CHD1: variants seen among roughly 807,000 people sequenced by gnomAD.
CHD1 encodes ATP-dependent chromatin remodeler CHD1.
Under a neutral mutation model 224.2 loss-of-function variants are expected in CHD1, and 36 were observed. The observed-to-expected ratio is 0.16, with a 90% CI of 0.12 to 0.21. The LOEUF is 0.21. Among genes scored for constraint, CHD1 ranks in the 10% least tolerant of loss-of-function variants. The pLI is 1.00. For missense variants in CHD1, 1,378 were observed against 1,994.8 expected, an observed-to-expected ratio of 0.69 and a Z score of 5.89; for synonymous variants, 668 against 658.3, an observed-to-expected ratio of 1.01 and a Z score of -0.23.
chr5:98,869,752 A>C lies in CHD1; in HGVS notation c.4107+2T>G. The stretch of plus-strand genomic sequence containing the variant: ...GGTTGTTGTTCTAAAACACATTCTT[A>C]CTTTATCATCATCTTCATCAGACTT... On this transcript the variant is annotated splice_donor_variant, in intron 30 of 35. Transcript: ENST00000614616. LOFTEE classifies it high-confidence loss of function. 1 of 1,612,990 alleles carries C rather than the reference A, an allele frequency of 6.2e-7. No homozygotes were observed. The highest frequency in any genetic ancestry group is 8.5e-7 in the Non-Finnish European group (1 of 1,179,518).
chr5:98,916,107 G>A (rs538399824), intron 2 of CHD1, among the ~76,000 whole-genome samples: 12 of 152,022 alleles, frequency 7.9e-5, no homozygotes, highest in East Asian at 1.9e-4. Context: ...CACGAGAATC[G>A]CTTGAACCCA....
intron 35 of CHD1, 73 bp downstream of exon 35, chr5:98,858,107 T>C: frequency 1.7e-6 from 2 of 1,189,576 alleles, no homozygotes; most frequent in Non-Finnish European, 1.2e-6. Flanking sequence ...GGCTGACAGG[T>C]CAAATACAGG....
intron 2 of CHD1, among the ~76,000 whole-genome samples, chr5:98,920,185 C>T (rs1201284719): frequency 6.6e-6 from 1 of 151,868 alleles, no homozygotes; most frequent in African/African-American, 2.4e-5. Flanking sequence ...CATATATAAA[C>T]GATTTAGAAA....
intron 27 of CHD1, 49 bp downstream of exon 27, chr5:98,872,368 C>T (rs937814373): frequency 6.4e-7 from 1 of 1,558,670 alleles, no homozygotes; most frequent in Non-Finnish European, 8.7e-7. Context: ...ATTCATTTTG[C>T]AATTATTGAA....
rs138801235 is a variant in CHD1 at position 98,919,490 on chromosome 5, T to G, written c.53+6844A>C. 4.6e-3 allele frequency among the ~76,000 whole-genome samples: 695 copies of G among 152,318 alleles called. 15 individuals are homozygous for G. Among genetic ancestry groups the G allele is most frequent in the Admixed American group, 0.035 (532 of 15,302 alleles). On this transcript the variant is annotated intron_variant, in intron 2 of 35. Transcript: ENST00000614616. The stretch of plus-strand genomic sequence containing the variant: ...AGGCTAAATATTAAAGTGTACTGTA[T>G]GTAAACACCGTATTTTAGTTGCGAA...
intron 5 of CHD1, among the ~76,000 whole-genome samples, chr5:98,902,368 T>C (rs1484748438): frequency 1.3e-5 from 2 of 151,798 alleles, no homozygotes; most frequent in African/African-American, 4.8e-5. Context: ...AATAGGAAAA[T>C]AAAAGACAAG....
intron 29 of CHD1, 66 bp from the exon 30 acceptor site, chr5:98,869,948 TAAA>T (rs1482957950): frequency 5.7e-6 from 7 of 1,228,366 alleles, no homozygotes; most frequent in Non-Finnish European, 5.8e-6. Flanking sequence ...TCATAAACAT[TAAA>T]TCCAAGGGCT....
chr5:98,896,520 G>A (rs1751352464), intron 11 of CHD1, 78 bp from the exon 12 acceptor site: 2 of 942,446 alleles, frequency 2.1e-6, no homozygotes, highest in South Asian at 1.5e-5. Flanking sequence ...ATGTGTATAT[G>A]TTTTTATGAA....
At chr5:98,866,032 G>GAA (rs1748835952) in intron 31 of CHD1, among the ~76,000 whole-genome samples, 1 of 152,072 alleles carries the variant, frequency 6.6e-6, no homozygotes. Flanking sequence ...TAGCTCCAGT[G>GAA]AAAAGTTTAA....
At chr5:98,909,830 C>T (rs950347394) in intron 2 of CHD1, among the ~76,000 whole-genome samples, 1 of 152,134 alleles carries the variant, frequency 6.6e-6, no homozygotes, top group African/African-American at 2.4e-5. Context: ...TGTCAGCATC[C>T]TTGTTGATTT....
rs755931057 is a variant in CHD1, at chr5:98,903,822, A to ATGTTGT, written c.336_341dup (p.Gln112_Gln113dup). On this transcript the variant is annotated inframe_insertion, in exon 4 of 36. Coordinates refer to ENST00000614616, the MANE Select transcript of CHD1 (RefSeq NM_001270.4). ...CTGATCCGCTATTAGATGAGGCTTG[A>ATGTTGT]TGTTGTTGTTGCTGCTGCTGCTGTT... The ATGTTGT allele has an allele frequency of 6.2e-7, 1 of 1,613,466 alleles. No homozygotes were observed. Among genetic ancestry groups the ATGTTGT allele is most frequent in the African/African-American group, 1.3e-5 (1 of 74,900 alleles).
At chr5:98,904,646 T>G (rs1385068367) in intron 3 of CHD1, among the ~76,000 whole-genome samples, 2 of 152,230 alleles carry the variant, frequency 1.3e-5, no homozygotes, top group Non-Finnish European at 2.9e-5. Flanking sequence ...AATTTCTGCC[T>G]AAGAGGCAGA....
At chr5:98,869,360 T>C (rs1057201207) in intron 30 of CHD1, 3 of 637,270 alleles carry the variant, frequency 4.7e-6, no homozygotes, top group South Asian at 6.6e-5. Context: ...ACAGATTGCA[T>C]GTATGTGGAT....
intron 2 of CHD1, among the ~76,000 whole-genome samples, chr5:98,905,416 C>G (rs953678673): frequency 2.6e-5 from 4 of 152,044 alleles, no homozygotes; most frequent in Admixed American, 6.6e-5. Flanking sequence ...GTACAAAATC[C>G]TGGGTTAGAA....
chr5:98,875,341 T>A (rs568708234), intron 24 of CHD1, among the ~76,000 whole-genome samples: 1 of 152,124 alleles, frequency 6.6e-6, no homozygotes, highest in Admixed American at 6.6e-5. Flanking sequence ...GATATCAGTA[T>A]AAATAAAACA....
intron 4 of CHD1, among the ~76,000 whole-genome samples, chr5:98,903,568 G>A (rs1027092304): frequency 1.2e-4 from 18 of 152,146 alleles, no homozygotes; most frequent in African/African-American, 4.1e-4. Context: ...GCTGTAATGA[G>A]CAAATGCACA....
intron 16 of CHD1, among the ~76,000 whole-genome samples, chr5:98,888,749 C>A (rs2112449249): frequency 6.6e-6 from 1 of 152,294 alleles, no homozygotes; most frequent in African/African-American, 2.4e-5. Context: ...CTTTAGATTA[C>A]CATTTACCAA....
chr5:98,920,917 T>A (rs1753051339), intron 2 of CHD1, among the ~76,000 whole-genome samples: 1 of 151,926 alleles, frequency 6.6e-6, no homozygotes, highest in East Asian at 1.9e-4. Context: ...CTCTCACAGA[T>A]GAAAGGAGAC....
intron 23 of CHD1, 25 bp downstream of exon 23, chr5:98,879,527 A>C (rs1476128729): frequency 1.3e-6 from 2 of 1,572,454 alleles, no homozygotes; most frequent in East Asian, 4.5e-5. Context: ...ACTTTATAGA[A>C]ATATCTTTAA....
Sources: allele counts gnomAD v4.1 joint callset (sites outside exome capture counted in the v4.1 genomes callset), GRCh38; gene constraint gnomAD v4.1.1; transcripts MANE v1.5; gene names NCBI Gene and HGNC (gene_info 2026-07-23, HGNC 2026-07-21).